Variants in MGMT observed in about 807,000 individuals in gnomAD.
MGMT encodes methylated-DNA--protein-cysteine methyltransferase.
A neutral mutation model predicts 15.9 loss-of-function variants in MGMT; 14 were observed. That is an observed-to-expected ratio of 0.88 (90% CI 0.58 to 1.37). MGMT has a LOEUF of 1.37. MGMT is among the 40% of genes most tolerant of loss of function. MGMT has a pLI of 0.00. For missense variants in MGMT, 282 were observed against 268.1 expected, an observed-to-expected ratio of 1.05 and a Z score of -0.36; for synonymous variants, 130 against 118.2, an observed-to-expected ratio of 1.10 and a Z score of -0.65.
intron 4 of MGMT, among the ~76,000 whole-genome samples, chr10:129,759,825 C>A (rs547802367): frequency 2.4e-4 from 36 of 152,262 alleles, no homozygotes; most frequent in African/African-American, 8.2e-4. Context: ...TGCACTCCCC[C>A]TGAGGCCCAG....
At chr10:129,691,751 C>G (rs1293276163) in intron 2 of MGMT, among the ~76,000 whole-genome samples, 2 of 152,160 alleles carry the variant, frequency 1.3e-5, no homozygotes, top group Non-Finnish European at 2.9e-5. Context: ...AACGCAGCTT[C>G]CTGGGCTGGA....
At position 129,533,341 on chromosome 10, in the gene MGMT, A is replaced by G. The variant is rs1272218294; in HGVS notation, c.-12-2900A>G. 1.3e-5 allele frequency among the ~76,000 whole-genome samples: 2 copies of G among 152,172 alleles called. No individual in the cohort carries two copies. The highest frequency in any genetic ancestry group is 4.8e-5 in the African/African-American group (2 of 41,444). ...TCTGACACCTGCTGTTAAGAGTGCT[A>G]CCTGATGCAGGTGCTCGGGGCTGGC... On this transcript the variant is annotated intron_variant, in intron 1 of 4. Coordinates refer to ENST00000651593, the MANE Select transcript of MGMT (RefSeq NM_002412.5). The surrounding 1 kb of genome is among the most constrained non-coding windows in gnomAD (Gnocchi z 4.5).
At chr10:129,500,401 G>A (rs758159776) in intron 1 of MGMT, among the ~76,000 whole-genome samples, 2 of 152,140 alleles carry the variant, frequency 1.3e-5, no homozygotes, top group African/African-American at 4.8e-5. Flanking sequence ...GAATCTCCAC[G>A]CTTGACTTTA....
chr10:129,569,437 A>C (rs1696400922), intron 2 of MGMT, among the ~76,000 whole-genome samples: 1 of 152,072 alleles, frequency 6.6e-6, no homozygotes, highest in South Asian at 2.1e-4. Flanking sequence ...TAACTAGTTC[A>C]TTTATCATCC....
At position 129,770,486 on chromosome 10, in the gene MGMT, T is replaced by G. The variant is rs1051759986; in HGVS notation, c.*3489T>G. 6.6e-6 allele frequency among the ~76,000 whole-genome samples: 1 copy of G among 152,190 alleles called. No individual in the cohort carries two copies. The highest frequency in any genetic ancestry group is 2.4e-5 in the African/African-American group (1 of 41,458). ...CTGGGGGCCACGTCCCCTCCCGGTCTCATCTGCCGCTTGCTCACCTTGGCT... is the reference window on the plus strand; with the variant it reads ...CTGGGGGCCACGTCCCCTCCCGGTCGCATCTGCCGCTTGCTCACCTTGGCT... On this transcript the variant is annotated 3_prime_UTR_variant, in exon 5 of 5. Coordinates refer to ENST00000651593, the MANE Select transcript of MGMT (RefSeq NM_002412.5).
intron 3 of MGMT, among the ~76,000 whole-genome samples, chr10:129,727,078 T>C (rs1018554635): frequency 6.6e-6 from 1 of 152,308 alleles, no homozygotes; most frequent in Admixed American, 6.5e-5. Flanking sequence ...AATACCATGA[T>C]GCTATCAAGA....
intron 1 of MGMT, among the ~76,000 whole-genome samples, chr10:129,522,911 T>C (rs967513680): frequency 1.3e-5 from 2 of 152,232 alleles, no homozygotes; most frequent in Admixed American, 1.3e-4. Context: ...CGTCAGATCT[T>C]CTTGTGTTCG....
At chr10:129,542,930 T>A (rs1476373009) in intron 2 of MGMT, among the ~76,000 whole-genome samples, 1 of 152,192 alleles carries the variant, frequency 6.6e-6, no homozygotes, top group East Asian at 1.9e-4. Flanking sequence ...ACTTATGTTA[T>A]CAATAACACA....
intron 1 of MGMT, among the ~76,000 whole-genome samples, chr10:129,487,980 T>TAC (rs113664356): frequency 0.02 from 2,776 of 136,144 alleles, 125 homozygotes; most frequent in East Asian, 0.11. Flanking sequence ...TACGCAGGTA[T>TAC]ACACACACAC....
At chr10:129,724,325 T>C (rs1459954714) in intron 3 of MGMT, among the ~76,000 whole-genome samples, 2 of 152,206 alleles carry the variant, frequency 1.3e-5, no homozygotes, top group African/African-American at 4.8e-5. Flanking sequence ...ATTGAAGCTC[T>C]GCAGTTGCCA....
intron 2 of MGMT, among the ~76,000 whole-genome samples, chr10:129,623,384 G>C (rs1180893884): frequency 6.6e-6 from 1 of 152,162 alleles, no homozygotes; most frequent in Non-Finnish European, 1.5e-5. Flanking sequence ...GCACATGCCA[G>C]CTGATGGAGT....
intron 1 of MGMT, among the ~76,000 whole-genome samples, chr10:129,474,398 G>C (rs935468064): frequency 1.4e-4 from 21 of 152,314 alleles, no homozygotes; most frequent in African/African-American, 4.8e-4. Flanking sequence ...GAGCGGAGCA[G>C]GTGGGAGTCG....
At chr10:129,468,666 C>T (rs1193463163) in intron 1 of MGMT, among the ~76,000 whole-genome samples, 1 of 151,970 alleles carries the variant, frequency 6.6e-6, no homozygotes, top group East Asian at 1.9e-4. Flanking sequence ...GGGTGGATCA[C>T]CTGAAGTCAG....
At chr10:129,653,906 G>C (rs1207909953) in intron 2 of MGMT, among the ~76,000 whole-genome samples, 1 of 152,142 alleles carries the variant, frequency 6.6e-6, no homozygotes, top group African/African-American at 2.4e-5. Flanking sequence ...GATGAGAGGA[G>C]AGCGGCCCTG....
chr10:129,503,609 G>A (rs1382362669), intron 1 of MGMT, among the ~76,000 whole-genome samples: 1 of 152,198 alleles, frequency 6.6e-6, no homozygotes, highest in African/African-American at 2.4e-5. Context: ...GGGTGATTGT[G>A]CTTTTGAAAT....
At chr10:129,530,014 C>G (rs1229870621) in intron 1 of MGMT, among the ~76,000 whole-genome samples, 1 of 152,200 alleles carries the variant, frequency 6.6e-6, no homozygotes, top group African/African-American at 2.4e-5. Flanking sequence ...AATCCTCCTG[C>G]CTCAGCCTCC....
rs533994349 is a variant in MGMT at position 129,675,778 on chromosome 10, G to C, written c.126-32117G>C. Among the ~76,000 whole-genome samples the C allele has an allele frequency of 1.2e-4, 18 of 152,316 alleles. No individual in the cohort carries two copies. In the East Asian group the frequency reaches 3.5e-3, roughly 29 times the overall value. ...GAGAAGAGAGAAAGACCCAGTAGGT[G>C]GTGTCGCCAAGGGAGCAGGCCGTGG... On this transcript the variant is annotated intron_variant, in intron 2 of 4. Coordinates refer to ENST00000651593, the MANE Select transcript of MGMT (RefSeq NM_002412.5).
At chr10:129,493,147 C>T (rs936686690) in intron 1 of MGMT, among the ~76,000 whole-genome samples, 2 of 152,122 alleles carry the variant, frequency 1.3e-5, no homozygotes, top group Non-Finnish European at 1.5e-5. Context: ...ATCTGTTTGA[C>T]TCCTGAGTGC....
At chr10:129,472,509 G>GTCCAATCCGA (rs1462276857) in intron 1 of MGMT, among the ~76,000 whole-genome samples, 2 of 152,146 alleles carry the variant, frequency 1.3e-5, no homozygotes, top group African/African-American at 4.8e-5. Context: ...GTATTTTGCA[G>GTCCAATCCGA]ATCTGCACAC....
Sources: allele counts gnomAD v4.1 joint callset (sites outside exome capture counted in the v4.1 genomes callset), GRCh38; gene constraint gnomAD v4.1.1; non-coding constraint Gnocchi (gnomAD v3.1); transcripts MANE v1.5; gene names NCBI Gene and HGNC (gene_info 2026-07-23, HGNC 2026-07-21).